The following JPH2 variants were observed in gnomAD, a reference collection of about 807,000 sequenced individuals.
The protein encoded by JPH2 is junctophilin 2, also known as junctophilin-2.
JPH2 carries 38 observed loss-of-function variants against 55.9 expected under a neutral mutation model. The ratio of observed to expected loss-of-function variants is 0.68; its 90% CI spans 0.52 to 0.89. The LOEUF (loss-of-function observed/expected upper bound fraction) is 0.89. JPH2 is among the 40% of genes least tolerant of loss of function. The pLI is 0.00. For missense variants in JPH2, 964 were observed against 1,037.6 expected (o/e 0.93, Z 0.97); for synonymous variants, 480 against 472.4 (o/e 1.02, Z -0.21).
intron 1 of JPH2, among the ~76,000 whole-genome samples, chr20:44,171,988 T>C (rs184434389): frequency 6.6e-5 from 10 of 152,344 alleles, no homozygotes; most frequent in Admixed American, 3.3e-4. Flanking sequence ...AATGCATTAA[T>C]AAGCACAGGC....
intron 1 of JPH2, among the ~76,000 whole-genome samples, chr20:44,172,931 G>A (rs1039183900): frequency 1.3e-5 from 2 of 151,988 alleles, no homozygotes; most frequent in Non-Finnish European, 2.9e-5. Context: ...GATTAAAACC[G>A]CTTTTATAAA....
In JPH2 at chr20:44,109,783, C is replaced by T. The variant is rs886767725; in HGVS notation, c.*3735G>A. 6.6e-6 allele frequency among the ~76,000 whole-genome samples: 1 copy of T among 152,136 alleles called. No individual in the cohort carries two copies. The highest frequency in any genetic ancestry group is 2.4e-5 in the African/African-American group (1 of 41,428). On this transcript the variant is annotated 3_prime_UTR_variant, in exon 6 of 6. Transcript: ENST00000372980. ...GCACCTCCAAAGGTCATCATCTGGGCCTGCATCTCTCCCAGAACAGCCAGG... is the reference window on the plus strand; with the variant it reads ...GCACCTCCAAAGGTCATCATCTGGGTCTGCATCTCTCCCAGAACAGCCAGG...
chr20:44,122,160 T>G (rs1361603064), intron 2 of JPH2, among the ~76,000 whole-genome samples: 1 of 152,218 alleles, frequency 6.6e-6, no homozygotes, highest in African/African-American at 2.4e-5. Flanking sequence ...AGCTGTCTGA[T>G]GTCCAAGCCC....
intron 1 of JPH2, chr20:44,177,065 C>A: frequency 1.0e-6 from 1 of 985,418 alleles, no homozygotes; most frequent in South Asian, 4.7e-5. Context: ...GTGGATTCTG[C>A]CAGGCACAGA....
chr20:44,124,109 C>T (rs1419613740), intron 2 of JPH2, among the ~76,000 whole-genome samples: 6 of 152,132 alleles, frequency 3.9e-5, no homozygotes, highest in Admixed American at 6.5e-5. Flanking sequence ...GATTAACTTT[C>T]GTCAGCAGGG....
In JPH2 at chr20:44,118,626, A is replaced by G; in HGVS notation, c.1170-3T>C. ...CTTTGGCCTTGGCGTGGCTTGTCCTATGGAGACAATGTGGCAGAAGACTCA... is the reference window on the plus strand; with the variant it reads ...CTTTGGCCTTGGCGTGGCTTGTCCTGTGGAGACAATGTGGCAGAAGACTCA... On this transcript the variant is annotated splice_polypyrimidine_tract_variant and splice_region_variant and intron_variant, in intron 2 of 5. Coordinates refer to ENST00000372980, the MANE Select transcript of JPH2 (RefSeq NM_020433.5). The G allele has an allele frequency of 6.2e-7, 1 of 1,605,890 alleles. No homozygotes were observed. The highest frequency in any genetic ancestry group is 8.5e-7 in the Non-Finnish European group (1 of 1,178,052).
chr20:44,156,917 C>T (rs2072569980), intron 2 of JPH2, among the ~76,000 whole-genome samples: 1 of 152,194 alleles, frequency 6.6e-6, no homozygotes, highest in African/African-American at 2.4e-5. Context: ...ACACTTATAG[C>T]AGTGTAAAGT....
rs774660703 is a variant in JPH2 at position 44,116,022 on chromosome 20, C to T, written c.1653G>A (p.Pro551=). 7 of 1,580,344 alleles carry T rather than the reference C, an allele frequency of 4.4e-6. No individual in the cohort carries two copies. In the Admixed American group the frequency reaches 8.7e-5, roughly 20 times the overall value. ...ERMAIEALQA[P]PAPSREPEVA... Reference sequence around the variant, plus strand: ...CCTCCGGCTCCCGCGACGGCGCAGGCGGTGCCTGCAGAGCCTCGATGGCCA... The same window carrying T: ...CCTCCGGCTCCCGCGACGGCGCAGGTGGTGCCTGCAGAGCCTCGATGGCCA... Residue 551 remains proline (P), a synonymous_variant, in exon 4 of 6, where the codon CCG becomes CCA. Coordinates refer to ENST00000372980, the MANE Select transcript of JPH2 (RefSeq NM_020433.5).
intron 3 of JPH2, among the ~76,000 whole-genome samples, 186 bp downstream of exon 3, chr20:44,118,319 G>A (rs1191721992): frequency 2.0e-5 from 3 of 152,194 alleles, no homozygotes; most frequent in Non-Finnish European, 4.4e-5. Flanking sequence ...AGCTCAGCAT[G>A]AAGGCAGAGA....
At chr20:44,117,052 G>A (rs771912031) in intron 3 of JPH2, among the ~76,000 whole-genome samples, 1 of 152,140 alleles carries the variant, frequency 6.6e-6, no homozygotes, top group South Asian at 2.1e-4. Context: ...AGGCCGAGGC[G>A]CGCGGATCAC....
chr20:44,183,521 A>C (rs927907429), intron 1 of JPH2, among the ~76,000 whole-genome samples: 4 of 152,214 alleles, frequency 2.6e-5, no homozygotes, highest in Non-Finnish European at 4.4e-5. Context: ...TCTATCCTGC[A>C]TCTGAGGCTG....
At chr20:44,122,571 TG>T (rs1205299401) in intron 2 of JPH2, among the ~76,000 whole-genome samples, 1 of 152,194 alleles carries the variant, frequency 6.6e-6, no homozygotes, top group African/African-American at 2.4e-5. Context: ...CTCACCCCAC[TG>T]GGAGTCTAGG....
At chr20:44,146,191 G>A (rs1045605430) in intron 2 of JPH2, among the ~76,000 whole-genome samples, 4 of 151,776 alleles carry the variant, frequency 2.6e-5, no homozygotes, top group South Asian at 2.1e-4. Flanking sequence ...CCACTGCCAC[G>A]CCCAGCTGAT....
intron 1 of JPH2, chr20:44,177,816 T>C (rs1407821158): frequency 6.3e-7 from 1 of 1,578,726 alleles, no homozygotes; most frequent in East Asian, 2.3e-5. Context: ...GTGACAGCTA[T>C]GGTTCAGGCC....
intron 1 of JPH2, chr20:44,177,909 C>T (rs942212109): frequency 2.0e-6 from 3 of 1,507,590 alleles, no homozygotes; most frequent in South Asian, 2.3e-5. Flanking sequence ...AGGCATGATG[C>T]TCAGTGCTTC....
chr20:44,172,686 G>A (rs1016743763), intron 1 of JPH2, among the ~76,000 whole-genome samples: 9 of 151,976 alleles, frequency 5.9e-5, no homozygotes, highest in African/African-American at 1.9e-4. Flanking sequence ...ATGTGGTCTC[G>A]CTATGTTGCC....
rs546808683 is a variant in JPH2 at position 44,119,368 on chromosome 20, A to G, written c.1170-745T>C. 2.0e-4 allele frequency among the ~76,000 whole-genome samples: 31 copies of G among 152,330 alleles called. No individual in the cohort carries two copies. The South Asian group carries it at 5.8e-3, about 28-fold the overall frequency. ...CTATTATGGTTTATTGCCTATTTCC[A>G]TAATTGAAGAGAAGGCTACATTTCA... On this transcript the variant is annotated intron_variant, in intron 2 of 5. Transcript: ENST00000372980.
At position 44,113,157 on chromosome 20, in the gene JPH2, C is replaced by T. The variant is rs1162726750; in HGVS notation, c.*361G>A. ...TCAATGTCCTGGTTAGGTGACATCT[C>T]CCAAAACACACAAAAGCCCAGGGAG... On this transcript the variant is annotated 3_prime_UTR_variant, in exon 6 of 6. Transcript: ENST00000372980. The T allele has an allele frequency of 6.6e-6, 1 of 152,368 alleles. No individual in the cohort carries two copies. Among genetic ancestry groups the T allele is most frequent in the Non-Finnish European group, 1.5e-5 (1 of 68,188 alleles). The allele number at this position is 152,368 out of a possible 1,614,324, so 9.4% of individuals were successfully genotyped here.
chr20:44,186,234 G>T, intron 1 of JPH2, 93 bp downstream of exon 1: 1 of 1,410,694 alleles, frequency 7.1e-7, no homozygotes, highest in Non-Finnish European at 9.8e-7. Flanking sequence ...ATCTGATTCT[G>T]TGCCAATTGC....
Sources: allele counts gnomAD v4.1 joint callset (sites outside exome capture counted in the v4.1 genomes callset), GRCh38; gene constraint gnomAD v4.1.1; transcripts MANE v1.5; gene names NCBI Gene and HGNC (gene_info 2026-07-23, HGNC 2026-07-21).